The following ARHGEF33 variants were observed in gnomAD, a reference collection of about 807,000 sequenced individuals.
ARHGEF33 encodes the protein DH and coiled-coil domain-containing protein ENSP00000381780.
In ARHGEF33, 72 loss-of-function variants were observed where a neutral mutation model predicts 101.9. That is an observed-to-expected ratio of 0.71 (90% confidence interval 0.58 to 0.86). The LOEUF is 0.86. ARHGEF33 is among the 40% of genes least tolerant of loss of function. The probability of loss-of-function intolerance (pLI) is 0.00; values close to 1 mark genes in which losing one functional copy is unlikely to be tolerated. For missense variants in ARHGEF33, 1,169 were observed against 1,111.3 expected, an observed-to-expected ratio of 1.05 and a Z score of -0.74; for synonymous variants, 499 against 442.5, an observed-to-expected ratio of 1.13 and a Z score of -1.60.
chr2:38,939,649 T>C (rs1667252555), intron 9 of ARHGEF33, among the ~76,000 whole-genome samples: 1 of 152,196 alleles, frequency 6.6e-6, no homozygotes, highest in Admixed American at 6.5e-5. Flanking sequence ...GGTGCCTAAG[T>C]CCATTGCCCA....
At chr2:38,908,725 C>T (rs751604060) in intron 2 of ARHGEF33, among the ~76,000 whole-genome samples, 2 of 152,108 alleles carry the variant, frequency 1.3e-5, no homozygotes, top group Non-Finnish European at 2.9e-5. Flanking sequence ...TGTTGCTGGC[C>T]GTGATGAACA....
At chr2:38,934,351 G>A (rs527892932) in intron 7 of ARHGEF33, among the ~76,000 whole-genome samples, 1 of 152,202 alleles carries the variant, frequency 6.6e-6, no homozygotes, top group South Asian at 2.1e-4. Flanking sequence ...ACTTGCCTCT[G>A]CTTTTCTCTT....
At chr2:38,967,845 G>A (rs1199860278) in intron 17 of ARHGEF33, among the ~76,000 whole-genome samples, 1 of 148,558 alleles carries the variant, frequency 6.7e-6, no homozygotes, top group African/African-American at 2.5e-5. Context: ...CTCCCAAAGT[G>A]TTGGGATTAC....
At chr2:38,931,026 T>C (rs1666987158) in intron 6 of ARHGEF33, 83 bp from the exon 7 acceptor site, 2 of 1,084,276 alleles carry the variant, frequency 1.8e-6, no homozygotes, top group Non-Finnish European at 2.6e-6. Context: ...AGACATTTTC[T>C]TGAGTTGTTC....
At chr2:38,957,225 A>G (rs62144301) in intron 14 of ARHGEF33, among the ~76,000 whole-genome samples, 178 bp downstream of exon 14, 3,437 of 152,264 alleles carry the variant, frequency 0.023, 80 homozygotes, top group East Asian at 0.098. Context: ...CTGACTACCC[A>G]GTGGAAATTA....
In ARHGEF33 at chr2:38,973,784, G is replaced by C. The variant is rs1330015136; in HGVS notation, c.2554G>C (p.Asp852His). ...PSMDPSPTKQ[D>H]FFRNRLALAN... ...AATGGATCCTTCACCCACCAAACAA[G>C]ATTTCTTCAGAAACCGACTTGCTCT... Residue 852 changes from aspartate (D) to histidine (H), a missense_variant, in exon 18 of 18, where the codon GAT (aspartate) becomes CAT (histidine). Transcript: ENST00000409978. 1.6e-5 allele frequency: 25 copies of C among 1,549,046 alleles called. No homozygotes were observed. The South Asian group carries it at 2.3e-4, about 14-fold the overall frequency.
At chr2:38,965,332 A>G (rs934468472) in intron 16 of ARHGEF33, among the ~76,000 whole-genome samples, 2 of 152,178 alleles carry the variant, frequency 1.3e-5, no homozygotes, top group African/African-American at 4.8e-5. Flanking sequence ...CACATCTCAC[A>G]CTTAGAAAAA....
intron 2 of ARHGEF33, among the ~76,000 whole-genome samples, chr2:38,897,384 A>C (rs981172365): frequency 6.6e-6 from 1 of 152,234 alleles, no homozygotes; most frequent in Non-Finnish European, 1.5e-5. Context: ...CTTTACTAGA[A>C]TAAGCAGCTA....
At chr2:38,906,541 A>C (rs1666395777) in intron 2 of ARHGEF33, among the ~76,000 whole-genome samples, 1 of 152,146 alleles carries the variant, frequency 6.6e-6, no homozygotes, top group Non-Finnish European at 1.5e-5. Flanking sequence ...GGCATGTATG[A>C]GGTAAGCTGG....
At chr2:38,972,276 G>C (rs1201517622) in intron 17 of ARHGEF33, among the ~76,000 whole-genome samples, 1 of 152,144 alleles carries the variant, frequency 6.6e-6, no homozygotes, top group African/African-American at 2.4e-5. Flanking sequence ...AGGTAAGGGG[G>C]ATCTGTGAAA....
At chr2:38,949,896 C>T (rs1178211126) in intron 10 of ARHGEF33, among the ~76,000 whole-genome samples, 3 of 152,172 alleles carry the variant, frequency 2.0e-5, no homozygotes, top group Admixed American at 1.3e-4. Flanking sequence ...GGAGGCGCTA[C>T]GCACTTTTAA....
chr2:38,969,060 T>C (rs761890015), intron 17 of ARHGEF33, among the ~76,000 whole-genome samples: 13 of 152,166 alleles, frequency 8.5e-5, no homozygotes, highest in Non-Finnish European at 1.3e-4. Context: ...ATGCATGCAC[T>C]ATGCAAGACA....
chr2:38,897,241 C>T (rs972952108), intron 2 of ARHGEF33, among the ~76,000 whole-genome samples: 10 of 152,116 alleles, frequency 6.6e-5, no homozygotes, highest in African/African-American at 2.2e-4. Context: ...ATAGTACACT[C>T]GGCAAGAGAA....
intron 10 of ARHGEF33, among the ~76,000 whole-genome samples, chr2:38,945,746 C>G (rs1471946009): frequency 6.6e-6 from 1 of 152,192 alleles, no homozygotes; most frequent in Admixed American, 6.5e-5. Flanking sequence ...CGGGGTAAGT[C>G]AGGGAAAAGA....
chr2:38,958,450 A>G (rs1667830444), intron 15 of ARHGEF33, among the ~76,000 whole-genome samples: 1 of 152,238 alleles, frequency 6.6e-6, no homozygotes, highest in African/African-American at 2.4e-5. Context: ...TGAAGCAGTT[A>G]CAAAACTTCA....
chr2:38,902,134 G>GAAAAAAAAAA (rs1156887244), intron 2 of ARHGEF33, among the ~76,000 whole-genome samples: 1 of 58,474 alleles, frequency 1.7e-5, no homozygotes. Context: ...TCCATCTCAA[G>GAAAAAAAAAA]AAAAAAAAAA....
At chr2:38,935,925 A>G (rs529521260) in intron 8 of ARHGEF33, 91 bp downstream of exon 8, 3 of 1,068,654 alleles carry the variant, frequency 2.8e-6, no homozygotes, top group East Asian at 2.6e-5. Context: ...TTAGTTTCAA[A>G]CCAGGCATGA....
chr2:38,938,090 A>G (rs982694333), intron 9 of ARHGEF33, among the ~76,000 whole-genome samples: 4 of 152,208 alleles, frequency 2.6e-5, no homozygotes, highest in African/African-American at 9.7e-5. Context: ...AAAAGTATTA[A>G]AAGGTTTGTT....
At chr2:38,942,404 C>T (rs1287928465) in intron 9 of ARHGEF33, among the ~76,000 whole-genome samples, 3 of 151,324 alleles carry the variant, frequency 2.0e-5, no homozygotes, top group African/African-American at 7.3e-5. Context: ...TTCTGATCTG[C>T]CCACCTCGAC....
Sources: gnomAD v4.1 joint callset for allele counts (sites outside exome capture counted in the v4.1 genomes callset) on GRCh38, gnomAD v4.1.1 for gene constraint, MANE v1.5 for transcripts, NCBI Gene and HGNC (gene_info 2026-07-23, HGNC 2026-07-21) for gene names.